The following SGCD variants were observed in gnomAD, a reference collection of about 807,000 sequenced individuals.
SGCD encodes delta-sarcoglycan.
In SGCD, 18 loss-of-function variants were observed where a neutral mutation model predicts 36.6. That is an observed-to-expected ratio of 0.49 (90% confidence interval 0.34 to 0.73). The LOEUF (loss-of-function observed/expected upper bound fraction) is 0.73, where lower values mean the gene tolerates loss of function less well. SGCD is among the 30% of genes least tolerant of loss of function. The probability of loss-of-function intolerance (pLI) is 0.01; values close to 1 mark genes in which losing one functional copy is unlikely to be tolerated. For missense variants in SGCD, 387 were observed against 346.7 expected (o/e 1.12, Z -0.92); for synonymous variants, 133 against 130.6 (o/e 1.02, Z -0.12).
At chr5:156,394,173 T>C (rs955857877) in intron 3 of SGCD, among the ~76,000 whole-genome samples, 1 of 152,178 alleles carries the variant, frequency 6.6e-6, no homozygotes, top group South Asian at 2.1e-4. Context: ...CATGTCTGGA[T>C]CAAGGATGGG....
intron 3 of SGCD, among the ~76,000 whole-genome samples, chr5:156,383,386 C>T (rs1261847834): frequency 6.6e-6 from 1 of 152,094 alleles, no homozygotes; most frequent in Non-Finnish European, 1.5e-5. Flanking sequence ...GCATGTTAGT[C>T]CCAGCTACTC....
intron 3 of SGCD, among the ~76,000 whole-genome samples, chr5:156,411,757 A>G (rs1289149377): frequency 1.3e-5 from 2 of 152,244 alleles, no homozygotes; most frequent in Non-Finnish European, 2.9e-5. Context: ...CAAAGAGAAC[A>G]CTGCAGAAAT....
At chr5:156,269,989 G>A (rs760297741) in intron 3 of SGCD, among the ~76,000 whole-genome samples, 9 of 152,182 alleles carry the variant, frequency 5.9e-5, no homozygotes, top group Non-Finnish European at 1.0e-4. Context: ...TTGTCTTTCA[G>A]CATTTTAATA....
chr5:156,701,270 G>GT (rs1296854091), intron 7 of SGCD, among the ~76,000 whole-genome samples: 1 of 152,128 alleles, frequency 6.6e-6, no homozygotes, highest in Non-Finnish European at 1.5e-5. Context: ...TGTTCTTCCA[G>GT]TTGCTCAGAC....
At chr5:155,957,134 GA>G (rs535895936) in intron 1 of SGCD, among the ~76,000 whole-genome samples, 267 of 152,178 alleles carry the variant, frequency 1.8e-3, no homozygotes, top group Non-Finnish European at 2.6e-3. Flanking sequence ...ATGAAGATCT[GA>G]AGGAGATGGA....
the SGCD span, among the ~76,000 whole-genome samples, chr5:155,809,552 A>C: frequency 1.3e-5 from 2 of 152,184 alleles, no homozygotes; most frequent in African/African-American, 4.8e-5. Context: ...ATGTGTGATC[A>C]AGAGTTCTAG....
intron 1 of SGCD, among the ~76,000 whole-genome samples, chr5:155,979,165 G>A (rs1758178651): frequency 6.6e-6 from 1 of 152,208 alleles, no homozygotes; most frequent in South Asian, 2.1e-4. Flanking sequence ...CACAACAACA[G>A]ATGGTCCACG....
rs191193717 is a variant in SGCD, at chr5:156,576,554, G to A, written c.295-12677G>A. Among the ~76,000 whole-genome samples, 14 of 152,284 alleles carry A rather than the reference G, an allele frequency of 9.2e-5. No homozygotes were observed. The East Asian group carries it at 9.7e-4, about 10-fold the overall frequency. ...ACACTCCCACCAACAGTGTAAAAGCGTTCCTATTTCTCCACATCCTCTCCA... is the reference window on the plus strand; with the variant it reads ...ACACTCCCACCAACAGTGTAAAAGCATTCCTATTTCTCCACATCCTCTCCA... On this transcript the variant is annotated intron_variant, in intron 4 of 8. Transcript: ENST00000337851.
chr5:156,052,441 C>G (rs1420528731), intron 1 of SGCD, among the ~76,000 whole-genome samples: 1 of 146,166 alleles, frequency 6.8e-6, no homozygotes, highest in South Asian at 2.2e-4. Context: ...TGAAAGGAAG[C>G]CTAGGGGCTT....
At chr5:156,094,340 C>G (rs1761325653) in intron 1 of SGCD, among the ~76,000 whole-genome samples, 1 of 152,136 alleles carries the variant, frequency 6.6e-6, no homozygotes, top group African/African-American at 2.4e-5. Flanking sequence ...TCTTCCTCAT[C>G]TTTTTCTTTC....
At chr5:156,358,603 C>T (rs964566522) in intron 3 of SGCD, among the ~76,000 whole-genome samples, 3 of 152,144 alleles carry the variant, frequency 2.0e-5, no homozygotes, top group Non-Finnish European at 2.9e-5. Context: ...TGCCGTTCCT[C>T]CCTCATGGAG....
chr5:156,576,451 C>G (rs1028049710), intron 4 of SGCD, among the ~76,000 whole-genome samples: 2 of 152,058 alleles, frequency 1.3e-5, no homozygotes, highest in Middle Eastern at 3.2e-3. Context: ...GTAATAAGAT[C>G]ACTGAGTCAA....
chr5:156,757,261 T>TCCAA (rs1757370547), intron 7 of SGCD, among the ~76,000 whole-genome samples: 1 of 2,260 alleles, frequency 4.4e-4, no homozygotes, highest in African/African-American at 8.0e-4. Context: ...GACTTACTTT[T>TCCAA]ACAAAAAAAA....
intron 1 of SGCD, among the ~76,000 whole-genome samples, chr5:156,030,285 T>G (rs950547312): frequency 2.0e-5 from 3 of 152,208 alleles, no homozygotes; most frequent in African/African-American, 7.2e-5. Flanking sequence ...AATAGGGTCT[T>G]TGCAGATGTA....
intron 3 of SGCD, among the ~76,000 whole-genome samples, chr5:156,194,259 G>A (rs1003660969): frequency 1.3e-5 from 2 of 152,104 alleles, no homozygotes. Flanking sequence ...TACACTTGTA[G>A]CCCCAGGTAA....
chr5:156,599,736 C>A (rs1413802255), intron 6 of SGCD, among the ~76,000 whole-genome samples: 1 of 152,230 alleles, frequency 6.6e-6, no homozygotes, highest in Non-Finnish European at 1.5e-5. Context: ...ACTGAGCTCT[C>A]ATACATGCAT....
intron 7 of SGCD, among the ~76,000 whole-genome samples, chr5:156,670,780 CCTGT>C (rs1753255704): frequency 6.6e-6 from 1 of 152,104 alleles, no homozygotes; most frequent in Non-Finnish European, 1.5e-5. Flanking sequence ...ACTAGATAAG[CCTGT>C]CTAATTTCCT....
chr5:156,474,783 G>A (rs1581045477), intron 3 of SGCD, among the ~76,000 whole-genome samples: 2 of 152,296 alleles, frequency 1.3e-5, no homozygotes, highest in South Asian at 2.1e-4. Context: ...GCCAGAGTTA[G>A]TTTGGCCTAT....
intron 3 of SGCD, among the ~76,000 whole-genome samples, chr5:156,315,746 T>C (rs1767501438): frequency 6.6e-6 from 1 of 152,116 alleles, no homozygotes. Context: ...TTTTTGATAG[T>C]AGCCATCCTA....
Sources: gnomAD v4.1 joint callset for allele counts (sites outside exome capture counted in the v4.1 genomes callset) on GRCh38, gnomAD v4.1.1 for gene constraint, MANE v1.5 for transcripts, NCBI Gene and HGNC (gene_info 2026-07-23, HGNC 2026-07-21) for gene names.